Variants in LCT observed in about 807,000 individuals in gnomAD.
LCT encodes the protein lactase/phlorizin hydrolase.
In LCT, 90 loss-of-function variants were observed where a neutral mutation model predicts 173.0. The observed-to-expected ratio is 0.52, with a 90% confidence interval of 0.44 to 0.62. LCT has a LOEUF of 0.62. Among genes scored for constraint, LCT ranks in the 20% least tolerant of loss-of-function variants. LCT has a pLI of 0.00. For missense variants in LCT, 1,864 were observed against 2,431.4 expected, an observed-to-expected ratio of 0.77 and a Z score of 4.91; for synonymous variants, 853 against 957.6, an observed-to-expected ratio of 0.89 and a Z score of 2.02.
chr2:135,804,041 A>G lies in LCT; in HGVS notation c.4552T>C (p.Tyr1518His). 1.2e-6 allele frequency: 2 copies of G among 1,613,788 alleles called. No individual in the cohort carries two copies. The highest frequency in any genetic ancestry group is 1.7e-6 in the Non-Finnish European group (2 of 1,179,872). The change falls in exon 11 of 17, where the codon TAT becomes CAT. Residue 1518 changes from tyrosine (Y) to histidine (H), a missense_variant. Tyr to His is a moderately conservative substitution (Grantham distance 83). Transcript: ENST00000264162. The stretch of plus-strand genomic sequence containing the variant: ...AGCCTCTGGAAGAGCACATCTGCAT[A>G]CTCCTTAAACCGCTGCACGATGGTC... ...NETIVQRFKE[Y>H]ADVLFQRLGD...
intron 3 of LCT, among the ~76,000 whole-genome samples, chr2:135,828,428 C>T (rs1394647747): frequency 6.6e-6 from 1 of 152,088 alleles, no homozygotes; most frequent in Non-Finnish European, 1.5e-5. Context: ...GCTCTGCCTC[C>T]CTCATGGGAG....
intron 6 of LCT, 89 bp from the exon 7 acceptor site, chr2:135,813,045 A>G (rs2077748804): frequency 1.5e-5 from 17 of 1,147,162 alleles, no homozygotes; most frequent in Non-Finnish European, 3.9e-6. Flanking sequence ...AGTCAACAAC[A>G]ATGTCAACAA....
chr2:135,797,908 C>T, intron 13 of LCT, 121 bp downstream of exon 13: 1 of 735,856 alleles, frequency 1.4e-6, no homozygotes, highest in East Asian at 2.5e-5. Context: ...CTAAGCTTTA[C>T]ATATATGATC....
Position 135,803,943 on chromosome 2 carries a change from T to TC in LCT, c.4649dup (p.Thr1551AsnfsTer9). 1 of 1,613,940 alleles carries TC rather than the reference T, an allele frequency of 6.2e-7. No homozygotes were observed. The highest frequency in any genetic ancestry group is 8.5e-7 in the Non-Finnish European group (1 of 1,179,928). On this transcript the variant is annotated frameshift_variant, in exon 11 of 17. Transcript: ENST00000264162. LOFTEE classifies it high-confidence loss of function. The stretch of plus-strand genomic sequence containing the variant: ...GCTGGGACTTACCTGGAGCTGCTGT[T>TC]CCGTAGCCATAGCCCTGGTAAGCAA...
At chr2:135,813,391 G>T (rs186572837) in intron 6 of LCT, among the ~76,000 whole-genome samples, 116 of 152,248 alleles carry the variant, frequency 7.6e-4, no homozygotes, top group African/African-American at 1.1e-3. Context: ...ATGTCAACAA[G>T]TCAACACCAA....
At chr2:135,788,847 A>G (rs953245989) in intron 16 of LCT, among the ~76,000 whole-genome samples, 3 of 152,248 alleles carry the variant, frequency 2.0e-5, no homozygotes, top group African/African-American at 7.2e-5. Context: ...GAATATTTGC[A>G]TATACATAAT....
chr2:135,827,053 A>G (rs145114773), intron 3 of LCT, among the ~76,000 whole-genome samples: 2,461 of 151,882 alleles, frequency 0.016, 59 homozygotes, highest in African/African-American at 0.056. Context: ...ATCTCGGCTC[A>G]CTGCAACCTC....
Position 135,833,164 on chromosome 2 carries a change from C to A in LCT, c.667G>T (p.Ala223Ser). The A allele has an allele frequency of 6.2e-7, 1 of 1,614,036 alleles. No homozygotes were observed. The highest frequency in any genetic ancestry group is 8.5e-7 in the Non-Finnish European group (1 of 1,179,994). ...AGCAGGAGCTCCGGGATATCTTCAG[C>A]TCGCAGGACAACAGAGAGTTTTCCG... is the stretch of plus-strand genomic sequence containing the variant. ...QGGKLSVVLR[A>S]EDIPELLLEP... The change falls in exon 2 of 17, where the codon GCT becomes TCT. Residue 223 changes from alanine to serine, a missense_variant. Physicochemically the swap from Ala to Ser is moderately conservative, Grantham distance 99. Coordinates refer to ENST00000264162, the MANE Select transcript of LCT (RefSeq NM_002299.4).
chr2:135,801,930 G>A (rs2077630940), intron 11 of LCT, among the ~76,000 whole-genome samples: 1 of 152,068 alleles, frequency 6.6e-6, no homozygotes, highest in Admixed American at 6.5e-5. Flanking sequence ...GTGCAGTGGT[G>A]CCATGAGCAT....
Position 135,798,150 on chromosome 2 carries a change from G to C in LCT, c.4867-12C>G. The C allele has an allele frequency of 6.9e-7, 1 of 1,448,370 alleles. No individual in the cohort carries two copies. The highest frequency in any genetic ancestry group is 1.1e-5 in the South Asian group (1 of 88,452). 89.7% of individuals were successfully genotyped at this position (1,448,370 alleles called of 1,614,324 possible). ...CAGCCTCCCATGAACTGCGGGTAGG[G>C]TGGGGGAGACAGCCCAGGCGTTACA... On this transcript the variant is annotated splice_polypyrimidine_tract_variant and intron_variant, in intron 12 of 16. Coordinates refer to ENST00000264162, the MANE Select transcript of LCT (RefSeq NM_002299.4).
intron 2 of LCT, among the ~76,000 whole-genome samples, chr2:135,830,299 G>A (rs1406612520): frequency 6.6e-6 from 1 of 152,088 alleles, no homozygotes. Context: ...TGATGAGGAT[G>A]TCCCCTCTGC....
chr2:135,830,158 C>G (rs1449997807), intron 2 of LCT, among the ~76,000 whole-genome samples: 1 of 152,058 alleles, frequency 6.6e-6, no homozygotes, highest in Non-Finnish European at 1.5e-5. Context: ...TTCAGGCCAC[C>G]GTTTGAAGTC....
rs1440273194 is a variant in LCT at position 135,809,243 on chromosome 2, T to G, written c.3104A>C (p.Asn1035Thr). The part of the protein sequence containing the change: ...QALQDIGGWE[N>T]PALIDLFDSY... ...GTCAAACAAGTCAATCAAGGCAGGA[T>G]TCTCCCAGCCTCCGATATCCTGGAG... Residue 1035 changes from asparagine (N) to threonine (T), a missense_variant, in exon 8 of 17, where the codon AAT becomes ACT. Physicochemically the swap from Asn to Thr is moderately conservative, Grantham distance 65. Coordinates refer to ENST00000264162, the MANE Select transcript of LCT (RefSeq NM_002299.4). The surrounding 1 kb of genome is among the most constrained non-coding windows in gnomAD (Gnocchi z 5.5). 6.2e-7 allele frequency: 1 copy of G among 1,614,092 alleles called. No homozygotes were observed. Among genetic ancestry groups the G allele is most frequent in the African/African-American group, 1.3e-5 (1 of 74,928 alleles).
intron 9 of LCT, among the ~76,000 whole-genome samples, chr2:135,806,480 TC>T (rs1363706705): frequency 6.6e-6 from 1 of 152,198 alleles, no homozygotes; most frequent in Non-Finnish European, 1.5e-5. Flanking sequence ...GCCTAGGCCT[TC>T]CCATTCACTC....
intron 3 of LCT, among the ~76,000 whole-genome samples, chr2:135,827,112 G>A (rs1275275735): frequency 2.6e-5 from 4 of 152,134 alleles, no homozygotes; most frequent in African/African-American, 9.7e-5. Context: ...CCAAGGAGCT[G>A]GGATTACAGG....
intron 5 of LCT, chr2:135,821,799 G>T (rs2077834354): frequency 1.8e-6 from 1 of 551,872 alleles, no homozygotes. Context: ...GCGCACAGTT[G>T]GGCGAACTGA....
At chr2:135,808,367 C>T in intron 8 of LCT, 76 bp downstream of exon 8, 1 of 1,157,486 alleles carries the variant, frequency 8.6e-7, no homozygotes, top group Non-Finnish European at 1.3e-6. Flanking sequence ...CATAAATCAT[C>T]CCGGCAAAAC....
chr2:135,803,930 C>T lies in LCT; in HGVS notation c.4663G>A (p.Gly1555Arg). The T allele has an allele frequency of 6.2e-7, 1 of 1,613,348 alleles. No homozygotes were observed. The highest frequency in any genetic ancestry group is 8.5e-7 in the Non-Finnish European group (1 of 1,179,624). The change falls in exon 11 of 17, where the codon GGA (glycine) becomes AGA (arginine). Residue 1555 changes from glycine (G) to arginine (R), a missense_variant and splice_region_variant. By Grantham distance (125) the Gly-to-Arg change is moderately radical (BLOSUM62 -2). This residue lies in a region of LCT where 514 missense variants were observed against 750.1 expected (regional missense o/e 0.69). Transcript: ENST00000264162. ...QGYGYGTAAP[G>R]VSNRPGTAPY... ...CCTATGAGCCAGGGCTGGGACTTAC[C>T]TGGAGCTGCTGTTCCGTAGCCATAG...
At chr2:135,789,130 A>G (rs1218816986) in intron 16 of LCT, among the ~76,000 whole-genome samples, 1 of 152,220 alleles carries the variant, frequency 6.6e-6, no homozygotes, top group South Asian at 2.1e-4. Flanking sequence ...CTCAGCCTGT[A>G]TAATTGAAAC....
Sources: gnomAD v4.1 joint callset for allele counts (sites outside exome capture counted in the v4.1 genomes callset) on GRCh38, gnomAD v4.1.1 for gene constraint, gnomAD v4.1.1 regional missense constraint, Gnocchi (gnomAD v3.1) non-coding constraint, MANE v1.5 for transcripts, NCBI Gene and HGNC (gene_info 2026-07-23, HGNC 2026-07-21) for gene names.